The following MLKL variants were observed in gnomAD, a reference collection of about 807,000 sequenced individuals.
MLKL encodes the protein mixed lineage kinase domain-like protein.
In MLKL, 55 loss-of-function variants were observed where a neutral mutation model predicts 56.5. The observed-to-expected ratio is 0.97, with a 90% confidence interval of 0.78 to 1.22. MLKL has a LOEUF of 1.22. MLKL is among the 50% of genes most tolerant of loss of function. MLKL has a pLI of 0.00. For missense variants in MLKL, 694 were observed against 573.9 expected, an observed-to-expected ratio of 1.21 and a Z score of -2.14; for synonymous variants, 251 against 208.3, an observed-to-expected ratio of 1.20 and a Z score of -1.76.
chr16:74,675,127 A>G (rs755960970), intron 9 of MLKL, 27 bp from the exon 10 acceptor site: 1 of 1,612,242 alleles, frequency 6.2e-7, no homozygotes, highest in Non-Finnish European at 8.5e-7. Flanking sequence ...GAGAGCCTCA[A>G]AAAATTGCTC....
At position 74,672,282 on chromosome 16, in the gene MLKL, C is replaced by G. The variant is rs1017844036; in HGVS notation, c.*222G>C. The G allele has an allele frequency of 5.8e-5, 27 of 468,352 alleles. No homozygotes were observed. Among genetic ancestry groups the G allele is most frequent in the Non-Finnish European group, 1.0e-4 (26 of 260,040 alleles). The allele number at this position is 468,352 out of a possible 1,614,324, so 29.0% of individuals were successfully genotyped here. Reference sequence around the variant, plus strand: ...TACCCAGAAAGATACATTTGACAAACCATCTATCAAAGTTACTGTCAGAGG... The same window carrying G: ...TACCCAGAAAGATACATTTGACAAAGCATCTATCAAAGTTACTGTCAGAGG... On this transcript the variant is annotated 3_prime_UTR_variant, in exon 11 of 11. Coordinates refer to ENST00000308807, the MANE Select transcript of MLKL (RefSeq NM_152649.4).
intron 5 of MLKL, 75 bp downstream of exon 5, chr16:74,685,411 A>T: frequency 9.2e-7 from 1 of 1,084,530 alleles, no homozygotes; most frequent in Non-Finnish European, 1.4e-6. Context: ...TCTTTAAAAA[A>T]ATGCAACACA....
chr16:74,675,183 T>C, intron 9 of MLKL, 83 bp from the exon 10 acceptor site: 1 of 1,573,592 alleles, frequency 6.4e-7, no homozygotes, highest in Non-Finnish European at 8.7e-7. Context: ...GCATCAGAAC[T>C]AGGGACTCTG....
rs1222743368 is a variant in MLKL, at chr16:74,691,351, T to G, written c.648A>C (p.Thr216=). 2 of 1,613,936 alleles carry G rather than the reference T, an allele frequency of 1.2e-6. No individual in the cohort carries two copies. Among genetic ancestry groups the G allele is most frequent in the Admixed American group, 3.3e-5 (2 of 59,988 alleles). ...WILLRENEVS[T]LYKGEYHRAP... is the part of the protein sequence containing the mutation. ...CTCTGTGGTATTCTCCTTTATAAAG[T>G]GTGCTGACTTCATTTTCCCTTAGCA... Residue 216 remains threonine, a synonymous_variant, in exon 4 of 11, where the codon ACA becomes ACC. Transcript: ENST00000308807.
chr16:74,675,054 C>T lies in MLKL; in HGVS notation c.1287G>A (p.Gln429=). 3 of 1,614,210 alleles carry T rather than the reference C, an allele frequency of 1.9e-6. No individual in the cohort carries two copies. Among genetic ancestry groups the T allele is most frequent in the Non-Finnish European group, 2.5e-6 (3 of 1,180,032 alleles). ...KIRKLVAVKR[Q]QEPLGEDCPS... ...GGCAGTCTTCACCCAGTGGCTCCTG[C>T]TGCCGCTTCACAGCCACCAGCTTGC... Residue 429 remains glutamine (Q), a synonymous_variant, in exon 10 of 11, where the codon CAG becomes CAA. Coordinates refer to ENST00000308807, the MANE Select transcript of MLKL (RefSeq NM_152649.4).
chr16:74,698,048 T>C (rs1445987457), intron 1 of MLKL, among the ~76,000 whole-genome samples: 1 of 151,536 alleles, frequency 6.6e-6, no homozygotes, highest in Non-Finnish European at 1.5e-5. Flanking sequence ...TACAAAAAAA[T>C]ACAAAAATTT....
intron 3 of MLKL, among the ~76,000 whole-genome samples, chr16:74,691,706 CAAAT>C (rs1467766710): frequency 6.6e-6 from 1 of 152,170 alleles, no homozygotes; most frequent in African/African-American, 2.4e-5. Flanking sequence ...CCCTCCTCTT[CAAAT>C]CCCGCCTGTC....
In MLKL at chr16:74,686,500, G is replaced by A. The variant is rs113779541; in HGVS notation, c.723-917C>T. 9.8e-3 allele frequency among the ~76,000 whole-genome samples: 1,492 copies of A among 152,260 alleles called. 10 individuals are homozygous for A. The highest frequency in any genetic ancestry group is 0.016 in the Non-Finnish European group (1,059 of 68,008). On this transcript the variant is annotated intron_variant, in intron 4 of 10. Transcript: ENST00000308807. ...TGGGAGGCTGAGGCAGGAGAACGGCGTGAACCCAGGAGGTGGAGCTTGCAG... is the reference window on the plus strand; with the variant it reads ...TGGGAGGCTGAGGCAGGAGAACGGCATGAACCCAGGAGGTGGAGCTTGCAG...
chr16:74,687,982 C>T (rs896692582), intron 4 of MLKL, among the ~76,000 whole-genome samples: 6 of 152,164 alleles, frequency 3.9e-5, no homozygotes, highest in Non-Finnish European at 8.8e-5. Flanking sequence ...CCCGCCACCA[C>T]ACCTGGCTAA....
At chr16:74,676,417 T>C in intron 7 of MLKL, 1 of 985,468 alleles carries the variant, frequency 1.0e-6, no homozygotes, top group African/African-American at 1.7e-5. Context: ...CTCAGCCAGG[T>C]ACCCAAATCT....
intron 1 of MLKL, among the ~76,000 whole-genome samples, chr16:74,699,612 C>A (rs1961257419): frequency 6.6e-6 from 1 of 152,014 alleles, no homozygotes; most frequent in Non-Finnish European, 1.5e-5. Flanking sequence ...CACTGCAGTG[C>A]TATTTATAAT....
chr16:74,694,804 G>A (rs1352160987), intron 2 of MLKL, among the ~76,000 whole-genome samples: 1 of 152,108 alleles, frequency 6.6e-6, no homozygotes, highest in Non-Finnish European at 1.5e-5. Flanking sequence ...ACGCTGGCTT[G>A]CCCAAATTTC....
At chr16:74,673,229 C>G (rs1039516005) in intron 10 of MLKL, among the ~76,000 whole-genome samples, 1 of 152,054 alleles carries the variant, frequency 6.6e-6, no homozygotes, top group African/African-American at 2.4e-5. Context: ...TTCTTTCTTT[C>G]TCTTTTGAGA....
chr16:74,692,498 G>T, intron 2 of MLKL, 82 bp from the exon 3 acceptor site: 2 of 1,109,602 alleles, frequency 1.8e-6, no homozygotes, highest in Non-Finnish European at 2.6e-6. Flanking sequence ...AATTAAAACT[G>T]TTGAGATATC....
intron 6 of MLKL, among the ~76,000 whole-genome samples, chr16:74,679,995 C>A (rs1959841325): frequency 6.6e-6 from 1 of 152,174 alleles, no homozygotes; most frequent in Non-Finnish European, 1.5e-5. Context: ...AATTACACCT[C>A]AGAGTGTGTC....
intron 6 of MLKL, among the ~76,000 whole-genome samples, chr16:74,680,363 T>C (rs889894734): frequency 1.3e-5 from 2 of 152,212 alleles, no homozygotes; most frequent in South Asian, 2.1e-4. Flanking sequence ...TAAGACAGTG[T>C]TTCCAAAAGT....
Position 74,695,339 on chromosome 16 carries a change from T to C in MLKL, c.419A>G (p.Asp140Gly). The C allele has an allele frequency of 6.2e-7, 1 of 1,614,194 alleles. No homozygotes were observed. Among genetic ancestry groups the C allele is most frequent in the Non-Finnish European group, 8.5e-7 (1 of 1,180,036 alleles). Residue 140 changes from aspartate (D) to glycine (G), a missense_variant, in exon 2 of 11, where the codon GAT (aspartate) becomes GGT (glycine). Transcript: ENST00000308807. Reference sequence around the variant, plus strand: ...GAAAGCTCGCCTGTCTTCGTCTGCATCCTGCTGATCTTCCTGTGCCCAGGA... The same window carrying C: ...GAAAGCTCGCCTGTCTTCGTCTGCACCCTGCTGATCTTCCTGTGCCCAGGA... Reference protein sequence around the residue: ...GASWAQEDQQDADEDRRAFQM... With the variant: ...GASWAQEDQQGADEDRRAFQM...
chr16:74,689,351 G>A (rs552379099), intron 4 of MLKL, among the ~76,000 whole-genome samples: 13 of 151,950 alleles, frequency 8.6e-5, no homozygotes, highest in African/African-American at 1.2e-4. Flanking sequence ...CCTGACCTCA[G>A]GTGATCTGCC....
At position 74,676,605 on chromosome 16, in the gene MLKL, G is replaced by A. The variant is rs1012786580; in HGVS notation, c.1039-841C>T. 1.6e-5 allele frequency: 6 copies of A among 370,582 alleles called. 1 individual carries two copies. Among genetic ancestry groups the A allele is most frequent in the Non-Finnish European group, 2.2e-5 (6 of 268,320 alleles). The allele number at this position is 370,582 out of a possible 1,614,324, so 23.0% of individuals were successfully genotyped here. On this transcript the variant is annotated intron_variant, in intron 7 of 10. Transcript: ENST00000308807. ...ATCTTATAGTCAGGCTGCATGAAGA[G>A]CGTGAGAGTAGTAGAAACAGTGTTT...
Sources: gnomAD v4.1 joint callset for allele counts (sites outside exome capture counted in the v4.1 genomes callset) on GRCh38, gnomAD v4.1.1 for gene constraint, MANE v1.5 for transcripts, NCBI Gene and HGNC (gene_info 2026-07-23, HGNC 2026-07-21) for gene names.